Variants in AHCYL1 observed in about 807,000 individuals in gnomAD.
AHCYL1 encodes the protein S-adenosylhomocysteine hydrolase-like protein 1.
AHCYL1 carries 20 observed loss-of-function variants against 79.3 expected under a neutral mutation model. That is an observed-to-expected ratio of 0.25 (90% confidence interval 0.18 to 0.37). The LOEUF (loss-of-function observed/expected upper bound fraction) is 0.37. Among genes scored for constraint, AHCYL1 ranks in the 10% least tolerant of loss-of-function variants. The pLI is 1.00. For synonymous variants in AHCYL1, 223 were observed against 242.2 expected, an observed-to-expected ratio of 0.92 and a Z score of 0.74; for missense variants, 330 against 673.6, an observed-to-expected ratio of 0.49 and a Z score of 5.65.
Position 110,014,213 on chromosome 1 carries a change from A to G in AHCYL1, c.581-550A>G, listed in dbSNP as rs943775589. Among the ~76,000 whole-genome samples the G allele has an allele frequency of 2.6e-5, 4 of 152,182 alleles. No individual in the cohort carries two copies. In the East Asian group the frequency reaches 5.8e-4, roughly 22 times the overall value. Reference sequence around the variant, plus strand: ...TGCAAAAAATTTAGGAAGTTCCCCAAAACCCTACAATCCCACTACATAGAG... The same window carrying G: ...TGCAAAAAATTTAGGAAGTTCCCCAGAACCCTACAATCCCACTACATAGAG... On this transcript the variant is annotated intron_variant, in intron 5 of 16. Transcript: ENST00000369799.
At position 110,009,164 on chromosome 1, in the gene AHCYL1, C is replaced by A; in HGVS notation, c.232+19C>A. On this transcript the variant is annotated intron_variant, in intron 2 of 16. Coordinates refer to ENST00000369799, the MANE Select transcript of AHCYL1 (RefSeq NM_006621.7). Reference sequence around the variant, plus strand: ...AGTTCAGGTAGGTGTGAATGAACTCCATGTCCTCTCTAATCTCTCTTCCCT... The same window carrying A: ...AGTTCAGGTAGGTGTGAATGAACTCAATGTCCTCTCTAATCTCTCTTCCCT... 2 of 1,582,242 alleles carry A rather than the reference C, an allele frequency of 1.3e-6. No homozygotes were observed. The highest frequency in any genetic ancestry group is 1.7e-5 in the Admixed American group (1 of 59,754).
Position 110,021,686 on chromosome 1 carries a change from C to T in AHCYL1, c.*6C>T, listed in dbSNP as rs550431519. 1 of 1,611,628 alleles carries T rather than the reference C, an allele frequency of 6.2e-7. No homozygotes were observed. The highest frequency in any genetic ancestry group is 1.7e-5 in the Admixed American group (1 of 59,880). ...TCTCTCTTTACAGATACTAATGGACCATACTACCAAGGACCAGTCCACCTG... is the reference window on the plus strand; with the variant it reads ...TCTCTCTTTACAGATACTAATGGACTATACTACCAAGGACCAGTCCACCTG... On this transcript the variant is annotated 3_prime_UTR_variant, in exon 17 of 17. Coordinates refer to ENST00000369799, the MANE Select transcript of AHCYL1 (RefSeq NM_006621.7).
chr1:109,987,965 GTATATT>G (rs1557757662), intron 1 of AHCYL1, among the ~76,000 whole-genome samples: 1 of 152,006 alleles, frequency 6.6e-6, no homozygotes, highest in African/African-American at 2.4e-5. Flanking sequence ...AAGTCTATTC[GTATATT>G]TATATTCTTT....
At chr1:109,985,558 C>G (rs1485916223) in intron 1 of AHCYL1, 25 of 991,632 alleles carry the variant, frequency 2.5e-5, no homozygotes, top group Non-Finnish European at 2.9e-5. Context: ...GTGGGTAAAT[C>G]TGGCAGAACT....
chr1:110,004,531 G>A (rs1650524137), intron 1 of AHCYL1: 1 of 974,808 alleles, frequency 1.0e-6, no homozygotes, highest in South Asian at 4.7e-5. Flanking sequence ...TGAAGTGAAA[G>A]GTATTCAGAC....
intron 3 of AHCYL1, among the ~76,000 whole-genome samples, 170 bp from the exon 4 acceptor site, chr1:110,012,192 G>A (rs1350366181): frequency 2.6e-5 from 4 of 152,226 alleles, no homozygotes; most frequent in Non-Finnish European, 5.9e-5. Context: ...GTGGTTGCAT[G>A]ACTGCTCTCC....
At position 110,021,941 on chromosome 1, in the gene AHCYL1, C is replaced by A. The variant is rs186112478; in HGVS notation, c.*261C>A. 4.6e-6 allele frequency: 2 copies of A among 430,996 alleles called. No individual in the cohort carries two copies. The highest frequency in any genetic ancestry group is 3.9e-5 in the East Asian group (1 of 25,844). 26.7% of individuals were successfully genotyped at this position (430,996 alleles called of 1,614,324 possible). Reference sequence around the variant, plus strand: ...ACTCTCCCAGCCCAGAAAGGTGATTCTTTCTTTACCATTTCTGGGGACTTT... The same window carrying A: ...ACTCTCCCAGCCCAGAAAGGTGATTATTTCTTTACCATTTCTGGGGACTTT... On this transcript the variant is annotated 3_prime_UTR_variant, in exon 17 of 17. Coordinates refer to ENST00000369799, the MANE Select transcript of AHCYL1 (RefSeq NM_006621.7).
intron 4 of AHCYL1, among the ~76,000 whole-genome samples, 159 bp downstream of exon 4, chr1:110,012,621 T>TA (rs758031053): frequency 1.6e-4 from 25 of 152,210 alleles, no homozygotes; most frequent in Admixed American, 5.9e-4. Context: ...GGTTTTTTTT[T>TA]AATATGTAAA....
At chr1:109,990,663 G>A (rs1405064872) in intron 1 of AHCYL1, among the ~76,000 whole-genome samples, 1 of 152,176 alleles carries the variant, frequency 6.6e-6, no homozygotes, top group Non-Finnish European at 1.5e-5. Flanking sequence ...CTACAGGGGT[G>A]GGGTGTGTAG....
intron 1 of AHCYL1, among the ~76,000 whole-genome samples, chr1:109,985,753 A>G: frequency 6.6e-6 from 1 of 152,194 alleles, no homozygotes; most frequent in Admixed American, 6.5e-5. Context: ...TATGTAAGAA[A>G]TTGACATTTG....
chr1:110,019,296 A>C (rs142174027), intron 14 of AHCYL1, among the ~76,000 whole-genome samples, 177 bp downstream of exon 14: 6 of 152,340 alleles, frequency 3.9e-5, no homozygotes, highest in Non-Finnish European at 8.8e-5. Context: ...GTATTCGTTG[A>C]ATTGGCTGTT....
rs1651295258 is a variant in AHCYL1, at chr1:110,014,767, T to G, written c.585T>G (p.Val195=). The G allele has an allele frequency of 6.2e-7, 1 of 1,613,728 alleles. No individual in the cohort carries two copies. ...EVAAALAEAG[V]AVFAWKGESE... ...GATTCATTTCTGTCTCTACAGGAGT[T>G]GCAGTGTTCGCTTGGAAGGGCGAGT... is the stretch of plus-strand genomic sequence containing the variant. The change falls in exon 6 of 17, where the codon GTT becomes GTG. Residue 195 remains valine, a synonymous_variant. Transcript: ENST00000369799.
At position 110,020,701 on chromosome 1, in the gene AHCYL1, T is replaced by C. The variant is rs987845723; in HGVS notation, c.1466-30T>C. The stretch of plus-strand genomic sequence containing the variant: ...ACTTGAGAGACATTTTGAAAAGGAG[T>C]CTGCTCTCCTGCCACTTTGCTCTTC... On this transcript the variant is annotated intron_variant, in intron 15 of 16. Coordinates refer to ENST00000369799, the MANE Select transcript of AHCYL1 (RefSeq NM_006621.7). 6.4e-6 allele frequency: 10 copies of C among 1,563,866 alleles called. No homozygotes were observed. The African/African-American group carries it at 1.1e-4, about 17-fold the overall frequency.
In AHCYL1 at chr1:110,015,438, G is replaced by A; in HGVS notation, c.689G>A (p.Gly230Glu). Residue 230 changes from glycine (G) to glutamate (E), a missense_variant, in exon 7 of 17, where the codon GGG (glycine) becomes GAG (glutamate). This residue lies in a region of AHCYL1 where 17 missense variants were observed against 45.6 expected (regional missense o/e 0.37). Transcript: ENST00000369799. ...GWQANMILDD[G>E]GDLTHWVYKK... is the part of the protein sequence containing the mutation. ...GCTGTTCTATAGATCCTGGATGATG[G>A]GGGAGACTTAACCCACTGGGTTTAT... is the stretch of plus-strand genomic sequence containing the variant. 6.2e-7 allele frequency: 1 copy of A among 1,614,012 alleles called. No homozygotes were observed. Among genetic ancestry groups the A allele is most frequent in the Non-Finnish European group, 8.5e-7 (1 of 1,179,892 alleles).
chr1:110,012,397 CA>C lies in AHCYL1; in HGVS notation c.413del (p.Gln138ArgfsTer11). The C allele has an allele frequency of 6.2e-7, 1 of 1,613,928 alleles. No homozygotes were observed. Among genetic ancestry groups the C allele is most frequent in the Non-Finnish European group, 8.5e-7 (1 of 1,179,960 alleles). ...TCTGATTTCACTCAGGAAACGTGCT[CA>C]GGGGGAGAAGCCCTTGGCTGGTGCT... is the stretch of plus-strand genomic sequence containing the variant. ...SALISLRKRA[Q>X]GEKPLAGAKI... On this transcript the variant is annotated frameshift_variant, in exon 4 of 17. Transcript: ENST00000369799. LOFTEE classifies it high-confidence loss of function.
In AHCYL1 at chr1:109,985,013, C is replaced by T. The variant is rs770270829; in HGVS notation, c.-40C>T. ...GGCGGGCGCCAGAGGGGGAAAGAGGCGGGGGCGGCGGGTCAGCCGCTGGCC... is the reference window on the plus strand; with the variant it reads ...GGCGGGCGCCAGAGGGGGAAAGAGGTGGGGGCGGCGGGTCAGCCGCTGGCC... On this transcript the variant is annotated 5_prime_UTR_variant, in exon 1 of 17. Coordinates refer to ENST00000369799, the MANE Select transcript of AHCYL1 (RefSeq NM_006621.7). 17 of 1,478,262 alleles carry T rather than the reference C, an allele frequency of 1.2e-5. No homozygotes were observed. The Admixed American group carries it at 2.0e-4, about 18-fold the overall frequency. 91.6% of individuals were successfully genotyped at this position (1,478,262 alleles called of 1,614,324 possible).
chr1:110,003,411 T>C (rs2101712456), intron 1 of AHCYL1, among the ~76,000 whole-genome samples: 1 of 152,294 alleles, frequency 6.6e-6, no homozygotes, highest in East Asian at 1.9e-4. Context: ...AGTACAGGTG[T>C]TTATTATACT....
intron 1 of AHCYL1, chr1:110,004,416 C>T (rs1409745943): frequency 1.0e-6 from 1 of 985,236 alleles, no homozygotes; most frequent in Non-Finnish European, 1.2e-6. Context: ...TCAACTCTGG[C>T]CTGAGATTGA....
At chr1:110,012,784 G>T in intron 4 of AHCYL1, 113 bp from the exon 5 acceptor site, 1 of 739,156 alleles carries the variant, frequency 1.4e-6, no homozygotes. Flanking sequence ...TAACTTTCCA[G>T]TGTAGCACCT....
Sources: allele counts gnomAD v4.1 joint callset (sites outside exome capture counted in the v4.1 genomes callset), GRCh38; gene constraint gnomAD v4.1.1; regional missense constraint gnomAD v4.1.1; transcripts MANE v1.5; gene names NCBI Gene and HGNC (gene_info 2026-07-23, HGNC 2026-07-21).